The following GRIP1 variants were observed in gnomAD, a reference collection of about 807,000 sequenced individuals.
The protein encoded by GRIP1 is glutamate receptor interacting protein 1, also known as glutamate receptor-interacting protein 1.
Under a neutral mutation model 129.9 loss-of-function variants are expected in GRIP1, and 45 were observed. That is an observed-to-expected ratio of 0.35 (90% CI 0.27 to 0.44). GRIP1 has a LOEUF of 0.44. Ranked by LOEUF, GRIP1 falls within the 20% of genes least tolerant of loss-of-function variation. The probability of loss-of-function intolerance (pLI) is 1.00; values close to 1 mark genes in which losing one functional copy is unlikely to be tolerated. For missense variants in GRIP1, 1,196 were observed against 1,396.8 expected, an observed-to-expected ratio of 0.86 and a Z score of 2.29; for synonymous variants, 530 against 520.8, an observed-to-expected ratio of 1.02 and a Z score of -0.24.
chr12:66,501,688 C>T (rs954763692), intron 7 of GRIP1, among the ~76,000 whole-genome samples: 2 of 152,126 alleles, frequency 1.3e-5, no homozygotes, highest in Non-Finnish European at 2.9e-5. Context: ...TGACAGAATT[C>T]AGTCAGTTTT....
intron 1 of GRIP1, among the ~76,000 whole-genome samples, chr12:66,685,030 C>A (rs1159748961): frequency 6.6e-6 from 1 of 152,138 alleles, no homozygotes; most frequent in Non-Finnish European, 1.5e-5. Context: ...ACATCATCAC[C>A]CTCTTTCTTA....
intron 13 of GRIP1, among the ~76,000 whole-genome samples, chr12:66,444,092 A>G (rs937100932): frequency 1.3e-5 from 2 of 152,186 alleles, no homozygotes. Context: ...ATTTATTTTC[A>G]GTTGTTCTTG....
chr12:66,998,835 A>C (rs1356468308), intron 1 of GRIP1, among the ~76,000 whole-genome samples: 2 of 152,142 alleles, frequency 1.3e-5, no homozygotes, highest in Non-Finnish European at 2.9e-5. Flanking sequence ...TGGCTGCATT[A>C]ACATCTTCCT....
rs568173828 is a variant in GRIP1, at chr12:66,991,086, CAG to C, written c.58+77962_58+77963del. On this transcript the variant is annotated intron_variant, in intron 1 of 1. Transcript: ENST00000643019. ...CAGGAGACGAGACCATCCTGGCTAA[CAG>C]GGTGAAATCCCGTCTCTACTAAAAA... Among the ~76,000 whole-genome samples, 159 of 151,774 alleles carry C rather than the reference CAG, an allele frequency of 1.0e-3. 1 individual carries two copies. The highest frequency in any genetic ancestry group is 6.9e-3 in the Middle Eastern group (2 of 290).
At chr12:66,382,367 T>C (rs1365108704) in intron 19 of GRIP1, among the ~76,000 whole-genome samples, 2 of 151,890 alleles carry the variant, frequency 1.3e-5, no homozygotes, top group East Asian at 1.9e-4. Context: ...AATAAATAAA[T>C]AAACAAATAA....
chr12:66,409,207 C>A (rs111856195), intron 15 of GRIP1, among the ~76,000 whole-genome samples: 1 of 152,260 alleles, frequency 6.6e-6, no homozygotes, highest in East Asian at 1.9e-4. Context: ...GGTTTACTGG[C>A]AGCCATAGTT....
At chr12:66,642,548 T>C (rs2032029056) in intron 1 of GRIP1, among the ~76,000 whole-genome samples, 1 of 152,134 alleles carries the variant, frequency 6.6e-6, no homozygotes, top group South Asian at 2.1e-4. Flanking sequence ...TCATGGTGTC[T>C]TCAGCACACA....
In GRIP1 at chr12:66,481,255, A is replaced by T. The variant is rs559284116; in HGVS notation, c.725-15833T>A. ...AAAAAAAAAAACAAATTCACAAGAA[A>T]AAAAAAGCAACCCCATCAAAAAGTG... is the stretch of plus-strand genomic sequence containing the variant. On this transcript the variant is annotated intron_variant, in intron 7 of 24. Coordinates refer to ENST00000359742, the MANE Select transcript of GRIP1 (RefSeq NM_001366722.1). Among the ~76,000 whole-genome samples, 560 of 143,576 alleles carry T rather than the reference A, an allele frequency of 3.9e-3. 7 individuals carry two copies. The highest frequency in any genetic ancestry group is 0.013 in the African/African-American group (520 of 39,018). The allele number at this position is 143,576 out of a possible 152,430, so 94.2% of individuals were successfully genotyped here. A position where few individuals can be genotyped will look rare whatever the true frequency, so the allele number is the denominator to read the frequency against.
At chr12:66,893,701 T>C (rs1325882529) in intron 1 of GRIP1, among the ~76,000 whole-genome samples, 2 of 152,206 alleles carry the variant, frequency 1.3e-5, no homozygotes, top group East Asian at 3.8e-4. Flanking sequence ...AAACATACAT[T>C]CTTATTTCTC....
chr12:66,781,227 G>C (rs1413114608), intron 1 of GRIP1, among the ~76,000 whole-genome samples: 1 of 152,158 alleles, frequency 6.6e-6, no homozygotes, highest in East Asian at 1.9e-4. Context: ...CAAAAGAGTA[G>C]CTTAATTGAT....
At chr12:66,702,576 C>T (rs1246054509) in intron 1 of GRIP1, among the ~76,000 whole-genome samples, 1 of 152,114 alleles carries the variant, frequency 6.6e-6, no homozygotes. Context: ...TATCCAATTA[C>T]TAGGAAATGA....
At chr12:66,660,239 C>A (rs2033416556) in intron 1 of GRIP1, among the ~76,000 whole-genome samples, 1 of 151,462 alleles carries the variant, frequency 6.6e-6, no homozygotes, top group Admixed American at 6.6e-5. Flanking sequence ...AAAATTCATA[C>A]CCTAAAATAA....
chr12:66,562,564 A>G lies in GRIP1; in HGVS notation c.137-20614T>C, dbSNP rs77598829. 2.3e-3 allele frequency among the ~76,000 whole-genome samples: 355 copies of G among 152,300 alleles called. 9 individuals are homozygous for G. In the East Asian group the frequency reaches 0.051, roughly 22 times the overall value. On this transcript the variant is annotated intron_variant, in intron 2 of 24. Transcript: ENST00000359742. ...CAAAAGAAAAGCTATTGCAGGTGAG[A>G]CCGTAACATTTCCCAACACGATTTT...
intron 1 of GRIP1, among the ~76,000 whole-genome samples, chr12:66,955,177 G>T (rs1401165669): frequency 6.6e-6 from 1 of 152,124 alleles, no homozygotes; most frequent in Non-Finnish European, 1.5e-5. Flanking sequence ...TGAGGATACT[G>T]GGACTGGAGC....
intron 14 of GRIP1, among the ~76,000 whole-genome samples, chr12:66,427,780 C>T (rs546519571): frequency 1.3e-5 from 2 of 152,242 alleles, no homozygotes; most frequent in South Asian, 2.1e-4. Flanking sequence ...AAGGCCACAC[C>T]TTAACATTCC....
At chr12:66,481,024 C>T (rs928258270) in intron 7 of GRIP1, among the ~76,000 whole-genome samples, 2 of 151,958 alleles carry the variant, frequency 1.3e-5, no homozygotes, top group South Asian at 2.1e-4. Context: ...GACTAAAATA[C>T]CAAAAGCAAT....
chr12:67,015,300 A>T (rs1374750401), intron 1 of GRIP1, among the ~76,000 whole-genome samples: 2 of 152,176 alleles, frequency 1.3e-5, no homozygotes, highest in Non-Finnish European at 2.9e-5. Context: ...TGCTATATAA[A>T]TTCTTAGCAA....
chr12:66,447,478 ACTC>A (rs1328943444), intron 11 of GRIP1, among the ~76,000 whole-genome samples: 1 of 152,074 alleles, frequency 6.6e-6, no homozygotes, highest in Non-Finnish European at 1.5e-5. Flanking sequence ...GTCAAATGTT[ACTC>A]CTCATTTCCT....
chr12:67,039,410 T>C (rs1021092164), intron 1 of GRIP1, among the ~76,000 whole-genome samples: 10 of 152,156 alleles, frequency 6.6e-5, no homozygotes, highest in African/African-American at 2.4e-4. Context: ...TGAAAATAAA[T>C]TTGTTTCAGA....
Sources: gnomAD v4.1 joint callset for allele counts (sites outside exome capture counted in the v4.1 genomes callset) on GRCh38, gnomAD v4.1.1 for gene constraint, MANE v1.5 for transcripts, NCBI Gene and HGNC (gene_info 2026-07-23, HGNC 2026-07-21) for gene names.